SLC30A10: variants seen among roughly 807,000 people sequenced by gnomAD.
SLC30A10 encodes the protein calcium/manganese antiporter SLC30A10.
A neutral mutation model predicts 21.7 loss-of-function variants in SLC30A10; 8 were observed. The ratio of observed to expected loss-of-function variants is 0.37; its 90% CI spans 0.22 to 0.67. The LOEUF (loss-of-function observed/expected upper bound fraction) is 0.67. SLC30A10 is among the 30% of genes least tolerant of loss of function. SLC30A10 has a pLI of 0.58. For synonymous variants in SLC30A10, 272 were observed against 279.4 expected (o/e 0.97, Z 0.26); for missense variants, 521 against 642.5 (o/e 0.81, Z 2.04).
chr1:219,939,675 A>T (rs528583297), intron 1 of SLC30A10, among the ~76,000 whole-genome samples: 137 of 152,088 alleles, frequency 9.0e-4, no homozygotes, highest in Non-Finnish European at 1.5e-3. Context: ...TGATCCACCC[A>T]CCTCGGCCAG....
At chr1:219,927,295 AT>A (rs1659851232) in intron 1 of SLC30A10, among the ~76,000 whole-genome samples, 190 bp from the exon 2 acceptor site, 1 of 152,194 alleles carries the variant, frequency 6.6e-6, no homozygotes, top group East Asian at 1.9e-4. Flanking sequence ...TTTGGACTTC[AT>A]TCACACATCC....
At chr1:219,948,390 C>T (rs902501518) in intron 1 of SLC30A10, among the ~76,000 whole-genome samples, 26 of 152,074 alleles carry the variant, frequency 1.7e-4, no homozygotes, top group African/African-American at 3.4e-4. Context: ...ACCAAAACAG[C>T]ATGGTACTGG....
At chr1:219,917,947 A>G (rs968613482) in intron 3 of SLC30A10, among the ~76,000 whole-genome samples, 19 of 152,138 alleles carry the variant, frequency 1.2e-4, no homozygotes, top group African/African-American at 4.6e-4. Flanking sequence ...TTCTGACCTC[A>G]GGTGACTCAC....
chr1:219,932,192 T>C (rs1234344683), upstream of SLC30A10, among the ~76,000 whole-genome samples: 1 of 152,036 alleles, frequency 6.6e-6, no homozygotes, highest in Admixed American at 6.6e-5. Flanking sequence ...GCCTCCTAAG[T>C]AGCTGGGATT....
At chr1:219,929,214 A>G (rs1284238164), upstream of SLC30A10, among the ~76,000 whole-genome samples, 4 of 152,178 alleles carry the variant, frequency 2.6e-5, no homozygotes, top group Non-Finnish European at 5.9e-5. Context: ...ATGGCACAAG[A>G]TCGTCCCCGT....
rs532885870 is a variant in SLC30A10, at chr1:219,936,595, G to A, written n.81-9490C>T. Among the ~76,000 whole-genome samples the A allele has an allele frequency of 3.9e-5, 6 of 152,216 alleles. No individual in the cohort carries two copies. In the South Asian group the frequency reaches 8.3e-4, roughly 21 times the overall value. The stretch of plus-strand genomic sequence containing the variant: ...CAAGATGGGCCAGAGTTCTTCTTTC[G>A]GAATTTTTCAAATGAACCTGGGAGA... On this transcript the variant is annotated intron_variant and non_coding_transcript_variant, in intron 1 of 8. Coordinates refer to the SLC30A10 transcript ENST00000484239.
At chr1:219,921,725 T>C (rs895834322) in intron 2 of SLC30A10, among the ~76,000 whole-genome samples, 3 of 152,110 alleles carry the variant, frequency 2.0e-5, no homozygotes, top group African/African-American at 7.2e-5. Context: ...CAGCCTTCAG[T>C]TTGAAAAACT....
chr1:219,932,837 G>A (rs536809891), upstream of SLC30A10, among the ~76,000 whole-genome samples: 3 of 150,658 alleles, frequency 2.0e-5, no homozygotes, highest in East Asian at 2.0e-4. Context: ...TGAGGTGGGC[G>A]CATCACCTTA....
upstream of SLC30A10, among the ~76,000 whole-genome samples, chr1:219,929,470 C>T (rs1172326784): frequency 2.6e-5 from 4 of 152,184 alleles, no homozygotes; most frequent in African/African-American, 4.8e-5. Context: ...ACAGCATGAC[C>T]TGATACGCAG....
upstream of SLC30A10, chr1:219,928,664 C>G (rs1021016017): frequency 1.1e-5 from 5 of 464,316 alleles, no homozygotes; most frequent in Admixed American, 8.7e-5. The surrounding 1 kb of genome is among the most constrained non-coding windows in gnomAD (Gnocchi z 6.3). Flanking sequence ...CTGAACAGCC[C>G]GTGCACCGCC....
upstream of SLC30A10, among the ~76,000 whole-genome samples, chr1:219,933,337 C>G (rs538281967): frequency 3.9e-5 from 6 of 152,300 alleles, no homozygotes; most frequent in East Asian, 9.7e-4. Context: ...GTGATACCAC[C>G]TACTTACTGA....
chr1:219,936,149 A>G (rs1660042402), intron 1 of SLC30A10, among the ~76,000 whole-genome samples: 1 of 152,220 alleles, frequency 6.6e-6, no homozygotes, highest in African/African-American at 2.4e-5. Flanking sequence ...GACCTCTGAC[A>G]TGAAGTTATT....
intron 1 of SLC30A10, among the ~76,000 whole-genome samples, chr1:219,939,631 T>C (rs944859063): frequency 1.3e-4 from 20 of 152,168 alleles, no homozygotes; most frequent in Admixed American, 1.2e-3. Context: ...GGTTTCACCA[T>C]CTTGGCCAGG....
At chr1:219,917,947 A>C (rs968613482) in intron 3 of SLC30A10, among the ~76,000 whole-genome samples, 1 of 152,138 alleles carries the variant, frequency 6.6e-6, no homozygotes, top group Non-Finnish European at 1.5e-5. Flanking sequence ...TTCTGACCTC[A>C]GGTGACTCAC....
chr1:219,955,504 A>G (rs958425586), intron 1 of SLC30A10, among the ~76,000 whole-genome samples: 4 of 152,184 alleles, frequency 2.6e-5, no homozygotes, highest in East Asian at 1.9e-4. Flanking sequence ...ATTCTCCAGT[A>G]TAACTTTTTT....
Position 219,914,567 on chromosome 1 carries a change from A to C in SLC30A10, c.*882T>G, listed in dbSNP as rs1659488826. Reference sequence around the variant, plus strand: ...AATACTCTTTTCTGGTAAATGCTGCATAGATCAATGCAATCATATGAAAGA... The same window carrying C: ...AATACTCTTTTCTGGTAAATGCTGCCTAGATCAATGCAATCATATGAAAGA... On this transcript the variant is annotated 3_prime_UTR_variant, in exon 4 of 4. Transcript: ENST00000366926. The C allele has an allele frequency of 6.6e-6, 1 of 152,232 alleles. No homozygotes were observed. Among genetic ancestry groups the C allele is most frequent in the Non-Finnish European group, 1.5e-5 (1 of 68,040 alleles). 9.4% of individuals were successfully genotyped at this position (152,232 alleles called of 1,614,324 possible). A position where few individuals can be genotyped will look rare whatever the true frequency, so the allele number is the denominator to read the frequency against.
At chr1:219,938,171 G>A (rs1485103139) in intron 1 of SLC30A10, among the ~76,000 whole-genome samples, 1 of 152,164 alleles carries the variant, frequency 6.6e-6, no homozygotes, top group Admixed American at 6.5e-5. Context: ...TCTGCTAACA[G>A]TGGGGGAAGG....
At chr1:219,925,648 T>TTTTTTTC (rs1659799318) in intron 2 of SLC30A10, among the ~76,000 whole-genome samples, 1 of 64,390 alleles carries the variant, frequency 1.6e-5, no homozygotes, top group Non-Finnish European at 2.7e-5. Context: ...TATATATATA[T>TTTTTTTC]ATATTTTTTT....
upstream of SLC30A10, among the ~76,000 whole-genome samples, chr1:219,931,491 A>T (rs534847726): frequency 1.6e-4 from 25 of 152,010 alleles, no homozygotes; most frequent in South Asian, 4.8e-3. Flanking sequence ...TTTTATTTTT[A>T]TTTTTTTTAA....
Sources: allele counts gnomAD v4.1 joint callset (sites outside exome capture counted in the v4.1 genomes callset), GRCh38; gene constraint gnomAD v4.1.1; non-coding constraint Gnocchi (gnomAD v3.1); transcripts MANE v1.5; gene names NCBI Gene and HGNC (gene_info 2026-07-23, HGNC 2026-07-21).